Variants in LRBA observed in about 807,000 individuals in gnomAD.
The protein encoded by LRBA is lipopolysaccharide-responsive and beige-like anchor protein.
Under a neutral mutation model 330.0 loss-of-function variants are expected in LRBA, and 176 were observed. The ratio of observed to expected loss-of-function variants is 0.53; its 90% CI spans 0.47 to 0.60. The LOEUF is 0.60. Ranked by LOEUF, LRBA falls within the 20% of genes least tolerant of loss-of-function variation. The pLI, the probability that LRBA is intolerant of heterozygous loss-of-function variation, is 0.00. For synonymous variants in LRBA, 1,230 were observed against 1,193.0 expected, an observed-to-expected ratio of 1.03 and a Z score of -0.64; for missense variants, 3,259 against 3,444.8, an observed-to-expected ratio of 0.95 and a Z score of 1.35.
chr4:150,932,312 T>C (rs1224848513), intron 2 of LRBA, among the ~76,000 whole-genome samples: 4 of 149,934 alleles, frequency 2.7e-5, no homozygotes, highest in Non-Finnish European at 4.4e-5. Context: ...AATAGCTTCC[T>C]GAAAAAAAAT....
Position 150,590,846 on chromosome 4 carries a change from A to G in LRBA, c.6060T>C (p.Asp2020=). 3 of 1,613,906 alleles carry G rather than the reference A, an allele frequency of 1.9e-6. No homozygotes were observed. Among genetic ancestry groups the G allele is most frequent in the South Asian group, 2.2e-5 (2 of 91,032 alleles). The change falls in exon 39 of 57, where the codon GAT becomes GAC. Residue 2020 remains aspartate (D), a synonymous_variant. Coordinates refer to ENST00000651943, the MANE Select transcript of LRBA (RefSeq NM_001364905.1). ...KTAVEHATDE[D]ILAKGKQSIR... Reference sequence around the variant, plus strand: ...TGGACTGTTTTCCTTTAGCAAGGATATCTTCATCTGTGGCTGAAATGAAAA... The same window carrying G: ...TGGACTGTTTTCCTTTAGCAAGGATGTCTTCATCTGTGGCTGAAATGAAAA...
chr4:150,953,797 T>C (rs1344366780), intron 2 of LRBA, among the ~76,000 whole-genome samples: 2 of 151,506 alleles, frequency 1.3e-5, no homozygotes, highest in African/African-American at 2.4e-5. Flanking sequence ...GTCTAGGAAG[T>C]GAGAAGCGTC....
At position 150,277,779 on chromosome 4, in the gene LRBA, G is replaced by C. The variant is rs544588111; in HGVS notation, c.8468+74C>G. The C allele has an allele frequency of 1.8e-5, 26 of 1,429,904 alleles. No individual in the cohort carries two copies. The East Asian group carries it at 5.3e-4, about 29-fold the overall frequency. 88.6% of individuals were successfully genotyped at this position (1,429,904 alleles called of 1,614,324 possible). On this transcript the variant is annotated intron_variant, in intron 56 of 56. Coordinates refer to ENST00000651943, the MANE Select transcript of LRBA (RefSeq NM_001364905.1). ...AGCCTCCCAAAGTACTGGGATTACAGGTGTAAGCCAACACGACCAGTCCCC... is the reference window on the plus strand; with the variant it reads ...AGCCTCCCAAAGTACTGGGATTACACGTGTAAGCCAACACGACCAGTCCCC...
At chr4:150,271,935 T>A (rs1746173819) in intron 56 of LRBA, among the ~76,000 whole-genome samples, 1 of 152,162 alleles carries the variant, frequency 6.6e-6, no homozygotes, top group African/African-American at 2.4e-5. Flanking sequence ...GGGTGCAGCT[T>A]CAGCAGACTT....
chr4:150,284,772 C>T (rs774969547), intron 54 of LRBA, among the ~76,000 whole-genome samples: 1 of 151,996 alleles, frequency 6.6e-6, no homozygotes, highest in Non-Finnish European at 1.5e-5. Context: ...ATGATCTTCC[C>T]ACCTTAGCCT....
chr4:150,634,530 G>C (rs538777312), intron 37 of LRBA, among the ~76,000 whole-genome samples: 1 of 152,292 alleles, frequency 6.6e-6, no homozygotes, highest in East Asian at 1.9e-4. Flanking sequence ...AGTATGAATA[G>C]GGATGAAGAA....
At chr4:151,013,359 A>T (rs1745067039) in intron 2 of LRBA, 1 of 152,176 alleles carries the variant, frequency 6.6e-6, no homozygotes, top group Non-Finnish European at 1.5e-5. Flanking sequence ...AAGAAATCTA[A>T]AAAGTCTCCA....
At position 150,714,820 on chromosome 4, in the gene LRBA, T is replaced by C. The variant is rs141695425; in HGVS notation, c.5754+20438A>G. 1.6e-4 allele frequency among the ~76,000 whole-genome samples: 25 copies of C among 152,276 alleles called. No individual in the cohort carries two copies. The East Asian group carries it at 4.8e-3, about 29-fold the overall frequency. On this transcript the variant is annotated intron_variant, in intron 36 of 56. Transcript: ENST00000651943. ...TTTTAGTCTAAATTAAGATTGCTAA[T>C]ATAGTGAGTTCAGTTTTGAGAAACA...
chr4:150,814,911 A>G (rs1744330010), intron 31 of LRBA, among the ~76,000 whole-genome samples: 1 of 152,040 alleles, frequency 6.6e-6, no homozygotes, highest in South Asian at 2.1e-4. Flanking sequence ...TGGAAAAAAT[A>G]CAATGGTTTC....
At chr4:150,581,439 A>C in intron 40 of LRBA, 1 of 359,756 alleles carries the variant, frequency 2.8e-6, no homozygotes, top group Non-Finnish European at 5.5e-6. Flanking sequence ...AACCTGGAAA[A>C]ATTAGGTCCT....
At chr4:150,741,861 C>A (rs1439559181) in intron 35 of LRBA, among the ~76,000 whole-genome samples, 2 of 151,922 alleles carry the variant, frequency 1.3e-5, no homozygotes. Flanking sequence ...AAATGGTAAC[C>A]TTCAGTGCTA....
At chr4:150,871,060 A>C (rs1753379426) in intron 19 of LRBA, among the ~76,000 whole-genome samples, 1 of 152,074 alleles carries the variant, frequency 6.6e-6, no homozygotes, top group Non-Finnish European at 1.5e-5. Flanking sequence ...CCTAGCCAAC[A>C]CAGCAAAACC....
chr4:150,934,440 A>T (rs1301838848), intron 2 of LRBA, among the ~76,000 whole-genome samples: 1 of 152,232 alleles, frequency 6.6e-6, no homozygotes, highest in Non-Finnish European at 1.5e-5. Context: ...AAACTCATTC[A>T]ACACACTTTT....
At chr4:150,724,291 G>A (rs147438300) in intron 36 of LRBA, among the ~76,000 whole-genome samples, 1 of 152,208 alleles carries the variant, frequency 6.6e-6, no homozygotes, top group African/African-American at 2.4e-5. Flanking sequence ...GTTTGTATGG[G>A]AGAAAGGGAA....
At chr4:150,564,099 C>A (rs949850669) in intron 40 of LRBA, among the ~76,000 whole-genome samples, 1 of 152,038 alleles carries the variant, frequency 6.6e-6, no homozygotes, top group African/African-American at 2.4e-5. Flanking sequence ...GCAAAAAGAA[C>A]AAAGCTGGAG....
chr4:150,485,941 G>A (rs1229810383), intron 42 of LRBA, among the ~76,000 whole-genome samples: 1 of 151,898 alleles, frequency 6.6e-6, no homozygotes, highest in African/African-American at 2.4e-5. Flanking sequence ...AGGAGTGGGG[G>A]AAATGGGGAG....
At chr4:150,365,850 T>A (rs1304716622) in intron 47 of LRBA, among the ~76,000 whole-genome samples, 1 of 150,330 alleles carries the variant, frequency 6.7e-6, no homozygotes, top group African/African-American at 2.4e-5. Flanking sequence ...TTTTGACACA[T>A]GAACTATTTG....
rs562656364 is a variant in LRBA, at chr4:150,318,682, C to T, written c.7630+2509G>A. Among the ~76,000 whole-genome samples, 7 of 152,304 alleles carry T rather than the reference C, an allele frequency of 4.6e-5. No individual in the cohort carries two copies. The South Asian group carries it at 1.5e-3, about 32-fold the overall frequency. The stretch of plus-strand genomic sequence containing the variant: ...TGGAGATCACATTCTAGAAAGATAA[C>T]TGCCTGTGGTGTATTCCCATATGTT... On this transcript the variant is annotated intron_variant, in intron 50 of 56. Transcript: ENST00000651943.
rs373071332 is a variant in LRBA at position 150,775,281 on chromosome 4, A to C, written c.5581-13434T>G. ...TCAAGACCCTGCAGTGTGAGTAAGT[A>C]GGTCTTACATTATAAATCTACTCCA... On this transcript the variant is annotated intron_variant, in intron 34 of 56. Transcript: ENST00000651943. Among the ~76,000 whole-genome samples the C allele has an allele frequency of 2.0e-5, 3 of 152,212 alleles. No individual in the cohort carries two copies. The East Asian group carries it at 5.8e-4, about 29-fold the overall frequency.
Sources: gnomAD v4.1 joint callset for allele counts (sites outside exome capture counted in the v4.1 genomes callset) on GRCh38, gnomAD v4.1.1 for gene constraint, MANE v1.5 for transcripts, NCBI Gene and HGNC (gene_info 2026-07-23, HGNC 2026-07-21) for gene names.